MRPS18B: variants seen among roughly 807,000 people sequenced by gnomAD.
The protein encoded by MRPS18B is small ribosomal subunit protein mS40.
Under a neutral mutation model 28.4 loss-of-function variants are expected in MRPS18B, and 27 were observed. That is an observed-to-expected ratio of 0.95 (90% CI 0.70 to 1.31). MRPS18B has a LOEUF of 1.31. Among genes scored for constraint, MRPS18B ranks in the 40% most tolerant of loss-of-function variants. The pLI is 0.00. For missense variants in MRPS18B, 343 were observed against 335.9 expected, an observed-to-expected ratio of 1.02 and a Z score of -0.17; for synonymous variants, 118 against 123.7, an observed-to-expected ratio of 0.95 and a Z score of 0.30.
chr6:30,626,092 G>T lies in MRPS18B; in HGVS notation c.*295G>T. The T allele has an allele frequency of 7.9e-5, 23 of 290,546 alleles. No individual in the cohort carries two copies. The highest frequency in any genetic ancestry group is 1.1e-4 in the South Asian group (1 of 9,280). The allele number at this position is 290,546 out of a possible 1,614,324, so 18.0% of individuals were successfully genotyped here. On this transcript the variant is annotated 3_prime_UTR_variant, in exon 7 of 7. Transcript: ENST00000259873. The stretch of plus-strand genomic sequence containing the variant: ...CCAGCCTGGGTGACAGCTAGACCCT[G>T]TCTCAAAAAAAAAAAAAAAGACTGG...
In MRPS18B at chr6:30,622,872, G is replaced by A; in HGVS notation, c.395G>A (p.Gly132Asp). 6.2e-7 allele frequency: 1 copy of A among 1,613,058 alleles called. No homozygotes were observed. Among genetic ancestry groups the A allele is most frequent in the African/African-American group, 1.3e-5 (1 of 75,034 alleles). ...GAGCAATTTGTCTGCGCCCACACGG[G>A]TATCATCTTCTATGCTCCATACACA... ...LLEQFVCAHT[G>D]IIFYAPYTGV... Residue 132 changes from glycine to aspartate, a missense_variant, in exon 5 of 7, where the codon GGT (glycine) becomes GAT (aspartate). Transcript: ENST00000259873.
chr6:30,619,344 C>G, intron 1 of MRPS18B, 149 bp from the exon 2 acceptor site: 1 of 627,826 alleles, frequency 1.6e-6, no homozygotes, highest in Non-Finnish European at 2.7e-6. Context: ...TCAATTTAAA[C>G]CCAACAAAAA....
Position 30,617,883 on chromosome 6 carries a change from A to G in MRPS18B, c.18A>G (p.Leu6=), listed in dbSNP as rs1332336789. 3.7e-6 allele frequency: 6 copies of G among 1,614,048 alleles called. No homozygotes were observed. In the Admixed American group the frequency reaches 8.3e-5, roughly 22 times the overall value. ...ACGTCAAGATGGCGGCGTCTGTATT[A>G]AACACCGTGCTGAGGCGGCTTCCTA... is the stretch of plus-strand genomic sequence containing the variant. MAASV[L]NTVLRRLPML... Residue 6 remains leucine, a synonymous_variant, in exon 1 of 7, where the codon TTA becomes TTG. Coordinates refer to ENST00000259873, the MANE Select transcript of MRPS18B (RefSeq NM_014046.4).
At chr6:30,618,145 T>C (rs555229013) in intron 1 of MRPS18B, among the ~76,000 whole-genome samples, 1 of 148,972 alleles carries the variant, frequency 6.7e-6, no homozygotes, top group Non-Finnish European at 1.5e-5. Context: ...TTAGGTATCA[T>C]CCTTTTTCCA....
At chr6:30,625,033 TC>T in intron 6 of MRPS18B, 91 bp downstream of exon 6, 1 of 1,392,852 alleles carries the variant, frequency 7.2e-7, no homozygotes, top group Non-Finnish European at 1.0e-6. Flanking sequence ...TCACACCTGT[TC>T]AAGATGGTAG....
intron 4 of MRPS18B, 122 bp downstream of exon 4, chr6:30,620,111 A>C (rs993912364): frequency 1.2e-6 from 1 of 864,572 alleles, no homozygotes; most frequent in African/African-American, 1.7e-5. Context: ...AGGTCAGGAG[A>C]TCAAGACCAT....
rs570910343 is a variant in MRPS18B at position 30,618,004 on chromosome 6, G to A, written c.78+61G>A. 1.4e-5 allele frequency: 22 copies of A among 1,572,574 alleles called. No individual in the cohort carries two copies. In the East Asian group the frequency reaches 4.7e-4, roughly 34 times the overall value. On this transcript the variant is annotated intron_variant, in intron 1 of 6. Transcript: ENST00000259873. ...TTGGTTATACCTTCTCGAGGTTGTC[G>A]CTCCACTGTCAGGAATCCACGAGTG...
At chr6:30,625,039 T>C in intron 6 of MRPS18B, 97 bp downstream of exon 6, 1 of 1,325,512 alleles carries the variant, frequency 7.5e-7, no homozygotes, top group South Asian at 1.2e-5. Context: ...CTGTTCAAGA[T>C]GGTAGCACCC....
chr6:30,625,363 C>A, intron 6 of MRPS18B, 139 bp from the exon 7 acceptor site: 1 of 878,200 alleles, frequency 1.1e-6, no homozygotes, highest in Non-Finnish European at 1.8e-6. Flanking sequence ...CTGGGCCGGT[C>A]ACCTGTTTGC....
Position 30,620,224 on chromosome 6 carries a change from G to A in MRPS18B, c.354+235G>A, listed in dbSNP as rs1016940252. The A allele has an allele frequency of 8.0e-6, 4 of 498,906 alleles. No individual in the cohort carries two copies. The Admixed American group carries it at 9.9e-5, about 12-fold the overall frequency. The allele number at this position is 498,906 out of a possible 1,614,324, so 30.9% of individuals were successfully genotyped here. A position where few individuals can be genotyped will look rare whatever the true frequency, so the allele number is the denominator to read the frequency against. The stretch of plus-strand genomic sequence containing the variant: ...CCCAGCTACTCAGGAGGCTGAGGCA[G>A]GAGAATGGCGTGAACCCGGGAGGCA... On this transcript the variant is annotated intron_variant, in intron 4 of 6. Coordinates refer to ENST00000259873, the MANE Select transcript of MRPS18B (RefSeq NM_014046.4).
intron 6 of MRPS18B, 50 bp downstream of exon 6, chr6:30,624,992 T>A (rs915148988): frequency 6.3e-7 from 1 of 1,598,714 alleles, no homozygotes; most frequent in African/African-American, 1.3e-5. Context: ...ATAAGGAAGA[T>A]GACTTAGGGC....
chr6:30,619,497 C>T lies in MRPS18B; in HGVS notation c.83C>T (p.Pro28Leu), dbSNP rs757456914. The change falls in exon 2 of 7, where the codon CCC (proline) becomes CTC (leucine). Residue 28 changes from proline to leucine, a missense_variant. By Grantham distance (98) the Pro-to-Leu change is moderately conservative. Transcript: ENST00000259873. ...TTTTTTTCTTCTCCTTTGTAGGTTC[C>T]CCTCCAGACTCTTTGCACCAAAGCT... ...LFRGSHRVQV[P>L]LQTLCTKAPS... 9.3e-6 allele frequency: 15 copies of T among 1,611,436 alleles called. No homozygotes were observed. Among genetic ancestry groups the T allele is most frequent in the African/African-American group, 8.0e-5 (6 of 74,832 alleles).
chr6:30,622,561 CAAAAAAAAAAAAAAA>C (rs554297101), intron 4 of MRPS18B, among the ~76,000 whole-genome samples: 5 of 28,564 alleles, frequency 1.8e-4, no homozygotes, highest in African/African-American at 3.8e-4. Context: ...GACTCTGTCT[CAAAAAAAAAAAAAAA>C]AAAAAAAAAA....
chr6:30,623,386 T>C (rs1302258187), intron 5 of MRPS18B, among the ~76,000 whole-genome samples: 1 of 152,032 alleles, frequency 6.6e-6, no homozygotes, highest in Admixed American at 6.6e-5. Flanking sequence ...AAGCAAACTA[T>C]CTAAATGTAG....
Position 30,624,777 on chromosome 6 carries a change from T to G in MRPS18B, c.422-106T>G, listed in dbSNP as rs1346145037. 2.4e-6 allele frequency: 3 copies of G among 1,263,678 alleles called. No homozygotes were observed. The African/African-American group carries it at 4.4e-5, about 19-fold the overall frequency. The allele number at this position is 1,263,678 out of a possible 1,614,324, so 78.3% of individuals were successfully genotyped here. A position where few individuals can be genotyped will look rare whatever the true frequency, so the allele number is the denominator to read the frequency against. On this transcript the variant is annotated intron_variant, in intron 5 of 6. Transcript: ENST00000259873. ...GGAGGGGTCAGGGGAAAGGGGTCAT[T>G]AGGTAAAGCCAATCCTTCCCAATCT...
At position 30,617,935 on chromosome 6, in the gene MRPS18B, A is replaced by C. The variant is rs569622742; in HGVS notation, c.70A>C (p.Arg24=). The part of the protein sequence containing the change: ...PMLSLFRGSH[R]VQVPLQTLCT... Reference sequence around the variant, plus strand: ...GCTATCTCTCTTCCGAGGTTCTCACAGAGTTCAGGTAACTCTTCGAAAGAC... The same window carrying C: ...GCTATCTCTCTTCCGAGGTTCTCACCGAGTTCAGGTAACTCTTCGAAAGAC... The change falls in exon 1 of 7, where the codon AGA becomes CGA. Residue 24 remains arginine (R), a synonymous_variant. Coordinates refer to ENST00000259873, the MANE Select transcript of MRPS18B (RefSeq NM_014046.4). 1 of 1,614,096 alleles carries C rather than the reference A, an allele frequency of 6.2e-7. No individual in the cohort carries two copies.
chr6:30,619,960 C>T lies in MRPS18B; in HGVS notation c.325C>T (p.Arg109Ter), dbSNP rs1039375257. ...KVVGNPCPIC[R>*]DHKLHVDFRN... ...TGTTGGGAATCCCTGCCCCATCTGT[C>T]GAGATCACAAGTTGCATGTTGACTT... Residue 109 changes from arginine to a stop codon, truncating the protein, a stop_gained, in exon 4 of 7, where the codon CGA becomes TGA. Coordinates refer to ENST00000259873, the MANE Select transcript of MRPS18B (RefSeq NM_014046.4). LOFTEE classifies it high-confidence loss of function. 9.9e-6 allele frequency: 16 copies of T among 1,614,082 alleles called. No individual in the cohort carries two copies. The highest frequency in any genetic ancestry group is 1.4e-5 in the Non-Finnish European group (16 of 1,179,986).
chr6:30,622,808 T>C, intron 4 of MRPS18B, 24 bp from the exon 5 acceptor site: 1 of 1,611,740 alleles, frequency 6.2e-7, no homozygotes, highest in Non-Finnish European at 8.5e-7. Flanking sequence ...TTTCCTCACG[T>C]TTCTCTACCA....
chr6:30,626,041 G>C lies in MRPS18B; in HGVS notation c.*244G>C. 2.1e-6 allele frequency: 1 copy of C among 473,796 alleles called. No individual in the cohort carries two copies. Among genetic ancestry groups the C allele is most frequent in the South Asian group, 3.6e-5 (1 of 28,134 alleles). The allele number at this position is 473,796 out of a possible 1,614,324, so 29.3% of individuals were successfully genotyped here. A position where few individuals can be genotyped will look rare whatever the true frequency, so the allele number is the denominator to read the frequency against. On this transcript the variant is annotated 3_prime_UTR_variant, in exon 7 of 7. Transcript: ENST00000259873. ...TTGATCCCAGGAGGCGGAGGTTGCA[G>C]TGAGTTGCAGTCACACCCCTGCACT...
Sources: gnomAD v4.1 joint callset for allele counts (sites outside exome capture counted in the v4.1 genomes callset) on GRCh38, gnomAD v4.1.1 for gene constraint, MANE v1.5 for transcripts, NCBI Gene and HGNC (gene_info 2026-07-23, HGNC 2026-07-21) for gene names.